The following PARP15 variants were observed in gnomAD, a reference collection of about 807,000 sequenced individuals.
PARP15 encodes the protein protein mono-ADP-ribosyltransferase PARP15.
In PARP15, 50 loss-of-function variants were observed where a neutral mutation model predicts 62.1. That is an observed-to-expected ratio of 0.81 (90% CI 0.64 to 1.02). The LOEUF is 1.02. PARP15 is among the 50% of genes least tolerant of loss of function. The probability of loss-of-function intolerance (pLI) is 0.00; values close to 1 mark genes in which losing one functional copy is unlikely to be tolerated. For synonymous variants in PARP15, 309 were observed against 293.1 expected (o/e 1.05, Z -0.55); for missense variants, 820 against 826.5 (o/e 0.99, Z 0.10).
chr3:122,630,378 T>C (rs1468452387), intron 9 of PARP15, among the ~76,000 whole-genome samples: 4 of 152,226 alleles, frequency 2.6e-5, no homozygotes, highest in African/African-American at 9.7e-5. Context: ...CTTTATGCTT[T>C]ATTCCTTATT....
At chr3:122,601,719 T>C (rs927838276) in intron 1 of PARP15, among the ~76,000 whole-genome samples, 2 of 152,258 alleles carry the variant, frequency 1.3e-5, no homozygotes, top group Admixed American at 6.5e-5. Flanking sequence ...TGAATAAAGC[T>C]TTATTGCTTC....
chr3:122,617,553 G>T (rs1450253847), intron 6 of PARP15, among the ~76,000 whole-genome samples: 1 of 151,994 alleles, frequency 6.6e-6, no homozygotes, highest in Non-Finnish European at 1.5e-5. Flanking sequence ...AACCTACTTG[G>T]CATTTAGAAC....
chr3:122,609,709 A>T (rs1231559685), intron 2 of PARP15, among the ~76,000 whole-genome samples: 56 of 135,968 alleles, frequency 4.1e-4, no homozygotes, highest in African/African-American at 1.9e-3. Context: ...AAAAAAAAAA[A>T]TTAAAAAAAA....
At chr3:122,602,341 T>C (rs1210368525) in intron 1 of PARP15, among the ~76,000 whole-genome samples, 2 of 152,174 alleles carry the variant, frequency 1.3e-5, no homozygotes, top group Non-Finnish European at 1.5e-5. Flanking sequence ...GTAGAGGAAC[T>C]GAGCTCCCTT....
chr3:122,577,938 A>C, intron 1 of PARP15, 85 bp downstream of exon 1: 4 of 1,387,884 alleles, frequency 2.9e-6, no homozygotes, highest in Non-Finnish European at 3.8e-6. Flanking sequence ...GAGCGGGCGC[A>C]GAGACCCCAC....
intron 3 of PARP15, among the ~76,000 whole-genome samples, chr3:122,612,370 T>C (rs568362599): frequency 5.1e-4 from 70 of 137,464 alleles, no homozygotes; most frequent in South Asian, 2.8e-3. Flanking sequence ...TTCTCTCTCT[T>C]TTTTTTTTTT....
At position 122,615,836 on chromosome 3, in the gene PARP15, C is replaced by A. The variant is rs1354000195; in HGVS notation, c.829C>A (p.Pro277Thr). 5.0e-6 allele frequency: 8 copies of A among 1,613,098 alleles called. No individual in the cohort carries two copies. Among genetic ancestry groups the A allele is most frequent in the Non-Finnish European group, 6.8e-6 (8 of 1,179,488 alleles). The change falls in exon 5 of 12, where the codon CCC becomes ACC. Residue 277 changes from proline (P) to threonine (T), a missense_variant. Pro to Thr is a conservative substitution (Grantham distance 38). Around this residue, in one of 3 missense-constraint regions of PARP15, gnomAD observed 731 missense variants for 727.7 expected, o/e 1.00. Transcript: ENST00000464300. ...SRINPNKARI[P>T]MAGDTQGVVG... The stretch of plus-strand genomic sequence containing the variant: ...AATAAATCCCAACAAGGCCAGGATT[C>A]CCATGGCAGGAGATACCCAAGGTCT...
chr3:122,611,560 A>G (rs11718819), intron 3 of PARP15, among the ~76,000 whole-genome samples: 222 of 152,168 alleles, frequency 1.5e-3, no homozygotes, highest in Non-Finnish European at 2.4e-3. Flanking sequence ...GCTGGTCTCA[A>G]ACTCCTGACC....
intron 1 of PARP15, among the ~76,000 whole-genome samples, chr3:122,578,472 A>G (rs1238826863): frequency 6.6e-6 from 1 of 152,142 alleles, no homozygotes; most frequent in African/African-American, 2.4e-5. Flanking sequence ...GTGTCCCAAC[A>G]CCATTTATTA....
chr3:122,635,418 G>A lies in PARP15; in HGVS notation c.1747+224G>A, dbSNP rs547973407. Reference sequence around the variant, plus strand: ...TAACGTGCAGTTTTTTTTTTAATGGGCTTTTTTTTTTAGACGGTCTCATTC... The same window carrying A: ...TAACGTGCAGTTTTTTTTTTAATGGACTTTTTTTTTTAGACGGTCTCATTC... On this transcript the variant is annotated intron_variant, in intron 11 of 11. Coordinates refer to ENST00000464300, the MANE Select transcript of PARP15 (RefSeq NM_001113523.3). Among the ~76,000 whole-genome samples the A allele has an allele frequency of 2.0e-5, 3 of 151,462 alleles. No homozygotes were observed. In the East Asian group the frequency reaches 5.8e-4, roughly 29 times the overall value.
At chr3:122,633,648 TG>T (rs1937186275) in intron 10 of PARP15, among the ~76,000 whole-genome samples, 1 of 152,216 alleles carries the variant, frequency 6.6e-6, no homozygotes. Flanking sequence ...TGAAAGTATA[TG>T]GGAGGATTGT....
chr3:122,623,906 G>A (rs6788961), intron 8 of PARP15, among the ~76,000 whole-genome samples: 18,534 of 152,066 alleles, frequency 0.12, 2,967 homozygotes, highest in African/African-American at 0.37. Flanking sequence ...CACTTTGCGG[G>A]GCTGAGGCGG....
intron 9 of PARP15, among the ~76,000 whole-genome samples, chr3:122,630,239 C>G (rs905787313): frequency 2.0e-5 from 3 of 152,138 alleles, no homozygotes; most frequent in Non-Finnish European, 4.4e-5. Context: ...TCCTGGGACT[C>G]TGTTTTCTCT....
rs1385877580 is a variant in PARP15 at position 122,638,369 on chromosome 3, C to T, written c.*2269C>T. On this transcript the variant is annotated 3_prime_UTR_variant, in exon 12 of 12. Transcript: ENST00000464300. Reference sequence around the variant, plus strand: ...TTCTAGTTCTAGATCCCCGAGGAATCGCCACACTGACTTCCACAATGGTTG... The same window carrying T: ...TTCTAGTTCTAGATCCCCGAGGAATTGCCACACTGACTTCCACAATGGTTG... 2 of 152,032 alleles carry T rather than the reference C, an allele frequency of 1.3e-5. No homozygotes were observed. The highest frequency in any genetic ancestry group is 2.9e-5 in the Non-Finnish European group (2 of 68,014). 9.4% of individuals were successfully genotyped at this position (152,032 alleles called of 1,614,324 possible).
chr3:122,592,168 T>C (rs1182828454), intron 1 of PARP15, among the ~76,000 whole-genome samples: 2 of 152,304 alleles, frequency 1.3e-5, no homozygotes, highest in South Asian at 4.1e-4. Flanking sequence ...CTTTTCACAA[T>C]AGCAAAGACA....
chr3:122,590,745 A>G (rs944170969), intron 1 of PARP15, among the ~76,000 whole-genome samples: 1 of 152,222 alleles, frequency 6.6e-6, no homozygotes, highest in Non-Finnish European at 1.5e-5. Flanking sequence ...TTCAAAGATA[A>G]AAAACAATGA....
At chr3:122,615,160 C>G in intron 4 of PARP15, 2 of 1,191,044 alleles carry the variant, frequency 1.7e-6, no homozygotes, top group East Asian at 1.2e-4. Flanking sequence ...CTTTATAACT[C>G]TACTCTGTCG....
At chr3:122,611,384 T>G (rs1168551291) in intron 3 of PARP15, among the ~76,000 whole-genome samples, 1 of 151,980 alleles carries the variant, frequency 6.6e-6, no homozygotes, top group African/African-American at 2.4e-5. Context: ...CAGGCTGGAG[T>G]GCAGTGGGGC....
At chr3:122,602,125 T>A (rs1179862057) in intron 1 of PARP15, among the ~76,000 whole-genome samples, 10 of 152,182 alleles carry the variant, frequency 6.6e-5, no homozygotes, top group Non-Finnish European at 1.3e-4. Context: ...CTCTCCCAGA[T>A]GCCCTGGGCT....
Sources: gnomAD v4.1 joint callset for allele counts (sites outside exome capture counted in the v4.1 genomes callset) on GRCh38, gnomAD v4.1.1 for gene constraint, gnomAD v4.1.1 regional missense constraint, MANE v1.5 for transcripts, NCBI Gene and HGNC (gene_info 2026-07-23, HGNC 2026-07-21) for gene names.